The following ASAP1 variants were observed in gnomAD, a reference collection of about 807,000 sequenced individuals.
ASAP1 encodes the protein arf-GAP with SH3 domain, ANK repeat and PH domain-containing protein 1.
ASAP1 carries 43 observed loss-of-function variants against 145.2 expected under a neutral mutation model. The observed-to-expected ratio is 0.30, with a 90% CI of 0.23 to 0.38. The LOEUF is 0.38. Ranked by LOEUF, ASAP1 falls within the 10% of genes least tolerant of loss-of-function variation. The pLI, the probability that ASAP1 is intolerant of heterozygous loss-of-function variation, is 1.00. For synonymous variants in ASAP1, 546 were observed against 515.5 expected, an observed-to-expected ratio of 1.06 and a Z score of -0.80; for missense variants, 1,018 against 1,355.3, an observed-to-expected ratio of 0.75 and a Z score of 3.91.
At position 130,126,076 on chromosome 8, in the gene ASAP1, A is replaced by G; in HGVS notation, c.1395T>C (p.Leu465=). ...AGGTCAAAATACCCAAGTTGGTTGA[A>G]AGCCAGGTGGGTTCTGTGGAAAGAA... The part of the protein sequence containing the change: ...CDCGSSEPTW[L]STNLGILTCI... The change falls in exon 17 of 30, where the codon CTT becomes CTC. Residue 465 remains leucine, a synonymous_variant. Transcript: ENST00000518721. 1 of 1,609,760 alleles carries G rather than the reference A, an allele frequency of 6.2e-7. No homozygotes were observed. The highest frequency in any genetic ancestry group is 8.5e-7 in the Non-Finnish European group (1 of 1,178,900).
intron 3 of ASAP1, among the ~76,000 whole-genome samples, chr8:130,256,377 C>T (rs1003780425): frequency 8.4e-6 from 1 of 118,380 alleles, no homozygotes; most frequent in African/African-American, 3.4e-5. Flanking sequence ...CTTACTTGAA[C>T]GGGGAATACA....
At chr8:130,199,974 A>C (rs752983464) in intron 5 of ASAP1, among the ~76,000 whole-genome samples, 6 of 152,240 alleles carry the variant, frequency 3.9e-5, no homozygotes, top group Non-Finnish European at 5.9e-5. Context: ...CAGTATAAAC[A>C]TAACTTTTTG....
intron 13 of ASAP1, among the ~76,000 whole-genome samples, chr8:130,145,843 CTTT>C (rs34484540): frequency 1.4e-5 from 2 of 139,120 alleles, no homozygotes; most frequent in Admixed American, 7.3e-5. Flanking sequence ...CAAAGTAAAA[CTTT>C]TTTTTTTTTT....
intron 17 of ASAP1, among the ~76,000 whole-genome samples, chr8:130,125,186 T>C (rs1342218619): frequency 6.6e-6 from 1 of 152,156 alleles, no homozygotes; most frequent in East Asian, 1.9e-4. Flanking sequence ...TTTAAAAATT[T>C]CACTCTTAGT....
intron 3 of ASAP1, among the ~76,000 whole-genome samples, chr8:130,250,578 A>G (rs1819131833): frequency 6.6e-6 from 1 of 152,154 alleles, no homozygotes; most frequent in African/African-American, 2.4e-5. Context: ...TTATTCATCA[A>G]AACAAACCTC....
intron 1 of ASAP1, among the ~76,000 whole-genome samples, chr8:130,419,237 G>A (rs1829617648): frequency 6.6e-6 from 1 of 152,176 alleles, no homozygotes; most frequent in Admixed American, 6.5e-5. Flanking sequence ...ATTTCAACTG[G>A]GATCTCCCTT....
At chr8:130,098,099 T>A (rs900069711) in intron 24 of ASAP1, among the ~76,000 whole-genome samples, 2 of 151,784 alleles carry the variant, frequency 1.3e-5, no homozygotes, top group Non-Finnish European at 2.9e-5. Context: ...TTGTAAAATA[T>A]TATCATTATT....
intron 3 of ASAP1, among the ~76,000 whole-genome samples, chr8:130,246,592 G>A (rs1384956749): frequency 2.0e-5 from 3 of 152,140 alleles, no homozygotes; most frequent in African/African-American, 7.2e-5. Context: ...TTTGCCTTCT[G>A]CCATGACAGT....
chr8:130,123,955 G>T, intron 18 of ASAP1, 58 bp downstream of exon 18: 2 of 1,317,754 alleles, frequency 1.5e-6, no homozygotes, highest in South Asian at 1.3e-5. Flanking sequence ...TTTTTTGGAA[G>T]GGTAGAAAAA....
chr8:130,200,390 C>G (rs546217574), intron 5 of ASAP1, among the ~76,000 whole-genome samples: 1 of 152,248 alleles, frequency 6.6e-6, no homozygotes, highest in South Asian at 2.1e-4. Flanking sequence ...GATCCTTTCT[C>G]CAAACCCTGC....
rs1825858727 is a variant in ASAP1, at chr8:130,349,198, T to C, written c.186+8819A>G. Among the ~76,000 whole-genome samples, 10 of 152,334 alleles carry C rather than the reference T, an allele frequency of 6.6e-5. No individual in the cohort carries two copies. The South Asian group carries it at 2.1e-3, about 32-fold the overall frequency. ...CTTCAGATCAAATTGGCTATGACCA[T>C]GACCCACAATGGTCAAAGTGTTTGG... is the stretch of plus-strand genomic sequence containing the variant. On this transcript the variant is annotated intron_variant, in intron 3 of 29. Coordinates refer to ENST00000518721, the MANE Select transcript of ASAP1 (RefSeq NM_018482.4).
chr8:130,222,277 C>A (rs1817338100), intron 4 of ASAP1, among the ~76,000 whole-genome samples: 1 of 152,200 alleles, frequency 6.6e-6, no homozygotes, highest in African/African-American at 2.4e-5. Flanking sequence ...TTATACCTTA[C>A]CAAACTGGGC....
chr8:130,406,011 T>C (rs149844653), intron 1 of ASAP1, among the ~76,000 whole-genome samples: 2,744 of 152,134 alleles, frequency 0.018, 94 homozygotes, highest in African/African-American at 0.058. Context: ...AAATCAATTA[T>C]TATCCCAATA....
intron 1 of ASAP1, among the ~76,000 whole-genome samples, chr8:130,432,046 T>G (rs1333955221): frequency 1.7e-4 from 10 of 58,640 alleles, no homozygotes; most frequent in South Asian, 9.2e-4. Context: ...GAAAATGAGG[T>G]GGGGGAAGAG....
chr8:130,239,577 G>A (rs920751481), intron 3 of ASAP1, among the ~76,000 whole-genome samples: 5 of 151,996 alleles, frequency 3.3e-5, no homozygotes, highest in East Asian at 3.9e-4. Flanking sequence ...GGGAGGTGAC[G>A]ACTATATACC....
chr8:130,197,203 G>A (rs1012594841), intron 5 of ASAP1, among the ~76,000 whole-genome samples: 1 of 152,244 alleles, frequency 6.6e-6, no homozygotes, highest in African/African-American at 2.4e-5. Flanking sequence ...TGAGGCAGGT[G>A]GTTTGCTTGA....
chr8:130,197,208 G>C (rs565428450), intron 5 of ASAP1, among the ~76,000 whole-genome samples: 3 of 152,202 alleles, frequency 2.0e-5, no homozygotes, highest in Non-Finnish European at 4.4e-5. Context: ...CAGGTGGTTT[G>C]CTTGAGTTCA....
chr8:130,338,426 G>C (rs1159800919), intron 3 of ASAP1, among the ~76,000 whole-genome samples: 1 of 152,098 alleles, frequency 6.6e-6, no homozygotes, highest in Non-Finnish European at 1.5e-5. Context: ...ATTCAACAAA[G>C]AACAGCCAGC....
chr8:130,421,002 A>T (rs1478221902), intron 1 of ASAP1, among the ~76,000 whole-genome samples: 1 of 152,148 alleles, frequency 6.6e-6, no homozygotes, highest in Non-Finnish European at 1.5e-5. Flanking sequence ...TCGGGCTCCA[A>T]TGAGGAACAT....
Sources: allele counts gnomAD v4.1 joint callset (sites outside exome capture counted in the v4.1 genomes callset), GRCh38; gene constraint gnomAD v4.1.1; transcripts MANE v1.5; gene names NCBI Gene and HGNC (gene_info 2026-07-23, HGNC 2026-07-21).